Variants in RIMS1 observed in about 807,000 individuals in gnomAD.
RIMS1 encodes regulating synaptic membrane exocytosis 1, also known as regulating synaptic membrane exocytosis protein 1.
Under a neutral mutation model 214.1 loss-of-function variants are expected in RIMS1, and 83 were observed. The observed-to-expected ratio is 0.39, with a 90% CI of 0.32 to 0.47. The LOEUF is 0.47. Ranked by LOEUF, RIMS1 falls within the 20% of genes least tolerant of loss-of-function variation. The pLI is 0.99. For missense variants in RIMS1, 2,050 were observed against 2,161.8 expected, an observed-to-expected ratio of 0.95 and a Z score of 1.03; for synonymous variants, 793 against 786.8, an observed-to-expected ratio of 1.01 and a Z score of -0.13.
At chr6:72,160,232 T>C (rs1380206408) in intron 4 of RIMS1, among the ~76,000 whole-genome samples, 1 of 30,174 alleles carries the variant, frequency 3.3e-5, no homozygotes, top group Non-Finnish European at 7.2e-5. Flanking sequence ...TGCAAATTGA[T>C]TTTGTATCCT....
chr6:72,066,853 A>G (rs1309652989), intron 2 of RIMS1, among the ~76,000 whole-genome samples: 1 of 152,116 alleles, frequency 6.6e-6, no homozygotes, highest in Non-Finnish European at 1.5e-5. Context: ...TTCATAATTT[A>G]CCTAATTGCT....
At chr6:72,057,132 A>G (rs1179709890) in intron 2 of RIMS1, among the ~76,000 whole-genome samples, 2 of 152,190 alleles carry the variant, frequency 1.3e-5, no homozygotes, top group Non-Finnish European at 2.9e-5. Flanking sequence ...TTGCCTATGT[A>G]ACAAACCTGC....
intron 2 of RIMS1, among the ~76,000 whole-genome samples, chr6:72,001,939 G>A (rs964650792): frequency 1.3e-4 from 20 of 152,116 alleles, no homozygotes; most frequent in Non-Finnish European, 2.4e-4. Flanking sequence ...CCTCAAAAGA[G>A]CTTAAAATGT....
intron 1 of RIMS1, among the ~76,000 whole-genome samples, chr6:71,924,749 G>A (rs1042000829): frequency 2.7e-4 from 39 of 145,710 alleles, no homozygotes; most frequent in Non-Finnish European, 4.0e-4. Flanking sequence ...GGAGGTTGCA[G>A]TGAGCCGAGA....
At chr6:72,192,769 A>G (rs954558698) in intron 6 of RIMS1, among the ~76,000 whole-genome samples, 4 of 152,100 alleles carry the variant, frequency 2.6e-5, no homozygotes, top group Admixed American at 6.5e-5. Flanking sequence ...TTCCAGTTGC[A>G]CAGATGGAGG....
At chr6:72,381,358 G>A (rs1021357321) in intron 29 of RIMS1, among the ~76,000 whole-genome samples, 1 of 152,174 alleles carries the variant, frequency 6.6e-6, no homozygotes, top group Non-Finnish European at 1.5e-5. Context: ...AGGTACAGTG[G>A]TTAGGGCTTC....
At chr6:72,019,827 G>GT (rs992084243) in intron 2 of RIMS1, among the ~76,000 whole-genome samples, 6 of 152,058 alleles carry the variant, frequency 3.9e-5, no homozygotes, top group African/African-American at 1.4e-4. Context: ...GTTAATTGTA[G>GT]TTTTTTTCCC....
chr6:72,310,705 T>C (rs1377927569), intron 27 of RIMS1, among the ~76,000 whole-genome samples: 2 of 152,116 alleles, frequency 1.3e-5, no homozygotes, highest in Non-Finnish European at 2.9e-5. Context: ...AAAATATATT[T>C]TATGTATTTC....
At chr6:71,921,644 G>C (rs982871035) in intron 1 of RIMS1, among the ~76,000 whole-genome samples, 27 of 152,140 alleles carry the variant, frequency 1.8e-4, no homozygotes, top group African/African-American at 6.0e-4. Flanking sequence ...TTATGAAAAA[G>C]AGATGACAAG....
At chr6:72,094,160 T>C (rs1311636614) in intron 2 of RIMS1, among the ~76,000 whole-genome samples, 1 of 143,960 alleles carries the variant, frequency 6.9e-6, no homozygotes, top group Non-Finnish European at 1.6e-5. Context: ...CCTATATGTA[T>C]AAATTTTCCA....
At chr6:72,354,212 TC>T (rs1392364577) in intron 29 of RIMS1, among the ~76,000 whole-genome samples, 5 of 151,846 alleles carry the variant, frequency 3.3e-5, no homozygotes, top group Non-Finnish European at 7.4e-5. Context: ...AGAGTGAGAC[TC>T]CGTCTCAATA....
At chr6:72,181,983 A>G (rs1297328552) in intron 5 of RIMS1, among the ~76,000 whole-genome samples, 1 of 152,222 alleles carries the variant, frequency 6.6e-6, no homozygotes, top group Non-Finnish European at 1.5e-5. Context: ...CAGCATTTCA[A>G]GAAAAGTAAA....
chr6:72,154,830 C>T (rs940566404), intron 4 of RIMS1, among the ~76,000 whole-genome samples: 2 of 140,754 alleles, frequency 1.4e-5, no homozygotes, highest in Middle Eastern at 3.5e-3. Flanking sequence ...AGTGTTTGAA[C>T]TCCTGGCTCC....
chr6:72,328,317 G>T (rs937050738), intron 28 of RIMS1, among the ~76,000 whole-genome samples: 1 of 151,676 alleles, frequency 6.6e-6, no homozygotes. Context: ...GCTATGGGAG[G>T]GATAGCATTA....
intron 23 of RIMS1, among the ~76,000 whole-genome samples, chr6:72,275,750 A>G (rs1439916245): frequency 4.6e-5 from 7 of 152,224 alleles, no homozygotes; most frequent in Non-Finnish European, 1.0e-4. Context: ...ATATAAAATA[A>G]TTGTGTAAAT....
chr6:72,272,379 AG>A (rs1234198134), intron 22 of RIMS1, among the ~76,000 whole-genome samples: 1 of 152,130 alleles, frequency 6.6e-6, no homozygotes, highest in Non-Finnish European at 1.5e-5. Flanking sequence ...TTAGGACAAA[AG>A]CTTGGATATA....
chr6:72,137,403 A>C (rs1412445255), intron 4 of RIMS1, among the ~76,000 whole-genome samples: 1 of 152,054 alleles, frequency 6.6e-6, no homozygotes, highest in Non-Finnish European at 1.5e-5. Flanking sequence ...CATATAAATT[A>C]ACATTGTATT....
chr6:72,194,625 A>T (rs980748087), intron 6 of RIMS1, among the ~76,000 whole-genome samples: 1 of 152,176 alleles, frequency 6.6e-6, no homozygotes, highest in African/African-American at 2.4e-5. Context: ...GTATTGATAT[A>T]ATATTCCTAT....
At chr6:71,930,527 A>G (rs1221088023) in intron 1 of RIMS1, among the ~76,000 whole-genome samples, 2 of 152,004 alleles carry the variant, frequency 1.3e-5, no homozygotes, top group African/African-American at 4.8e-5. Flanking sequence ...TTATAGATGA[A>G]AACTGAAGCC....
Sources: allele counts gnomAD v4.1 joint callset (sites outside exome capture counted in the v4.1 genomes callset), GRCh38; gene constraint gnomAD v4.1.1; transcripts MANE v1.5; gene names NCBI Gene and HGNC (gene_info 2026-07-23, HGNC 2026-07-21).